Variants in TBC1D22A observed in about 807,000 individuals in gnomAD.
The protein encoded by TBC1D22A is putative GTPase activator.
In TBC1D22A, 38 loss-of-function variants were observed where a neutral mutation model predicts 60.2. The ratio of observed to expected loss-of-function variants is 0.63; its 90% CI spans 0.49 to 0.83. TBC1D22A has a LOEUF of 0.83. TBC1D22A is among the 40% of genes least tolerant of loss of function. The probability of loss-of-function intolerance (pLI) is 0.00; values close to 1 mark genes in which losing one functional copy is unlikely to be tolerated. For missense variants in TBC1D22A, 628 were observed against 701.0 expected (o/e 0.90, Z 1.18); for synonymous variants, 302 against 281.7 (o/e 1.07, Z -0.72).
chr22:46,946,380 C>A (rs900904256), intron 8 of TBC1D22A, among the ~76,000 whole-genome samples: 16 of 152,210 alleles, frequency 1.1e-4, no homozygotes, highest in Non-Finnish European at 2.4e-4. Flanking sequence ...CGAGCAGAGG[C>A]CTTGGTGCTC....
At chr22:46,896,896 T>C (rs2068709008) in intron 7 of TBC1D22A, among the ~76,000 whole-genome samples, 1 of 152,138 alleles carries the variant, frequency 6.6e-6, no homozygotes, top group Non-Finnish European at 1.5e-5. Flanking sequence ...ATGACTGGAA[T>C]TGCATGGAAT....
chr22:47,111,451 G>T, intron 11 of TBC1D22A, 57 bp from the exon 12 acceptor site: 1 of 1,502,096 alleles, frequency 6.7e-7, no homozygotes, highest in Non-Finnish European at 9.2e-7. Flanking sequence ...TAACCTCGCA[G>T]TGATGTTAAT....
chr22:46,922,124 C>T (rs556449629), intron 8 of TBC1D22A, among the ~76,000 whole-genome samples: 2 of 152,292 alleles, frequency 1.3e-5, no homozygotes, highest in African/African-American at 4.8e-5. Flanking sequence ...TATCCCAGCA[C>T]CATTTATTGA....
At chr22:47,036,987 G>T in intron 10 of TBC1D22A, 84 bp from the exon 11 acceptor site, 2 of 1,573,292 alleles carry the variant, frequency 1.3e-6, no homozygotes, top group Non-Finnish European at 8.7e-7. Flanking sequence ...GCGGGCGCAG[G>T]CCCTTGGGGG....
intron 10 of TBC1D22A, among the ~76,000 whole-genome samples, chr22:47,036,104 T>G (rs1200412445): frequency 6.6e-6 from 1 of 151,562 alleles, no homozygotes; most frequent in Non-Finnish European, 1.5e-5. Flanking sequence ...AGAAGGGAGG[T>G]GTAACTTGGA....
At chr22:47,067,564 C>T (rs1017090909) in intron 11 of TBC1D22A, among the ~76,000 whole-genome samples, 2 of 152,118 alleles carry the variant, frequency 1.3e-5, no homozygotes, top group African/African-American at 2.4e-5. Flanking sequence ...GTAAAGGCGC[C>T]GGCTCCAAAG....
rs545587632 is a variant in TBC1D22A at position 47,077,295 on chromosome 22, C to T, written c.1330-34213C>T. On this transcript the variant is annotated intron_variant, in intron 11 of 12. Transcript: ENST00000337137. ...TCTGCCTAGACATCTTTTCCTCTTT[C>T]CCTGGTGAGTGTGGACTCTTTCTGA... Among the ~76,000 whole-genome samples, 8 of 152,346 alleles carry T rather than the reference C, an allele frequency of 5.3e-5. 1 individual carries two copies. The South Asian group carries it at 1.2e-3, about 24-fold the overall frequency.
chr22:47,052,183 G>A (rs2063247519), intron 11 of TBC1D22A, among the ~76,000 whole-genome samples: 1 of 152,224 alleles, frequency 6.6e-6, no homozygotes, highest in Non-Finnish European at 1.5e-5. Context: ...AGAGTGGGAT[G>A]TTTTTCTGAA....
intron 4 of TBC1D22A, among the ~76,000 whole-genome samples, chr22:46,847,231 G>T (rs2087041369): frequency 6.6e-6 from 1 of 152,346 alleles, no homozygotes; most frequent in Non-Finnish European, 1.5e-5. Context: ...CCACATAGGA[G>T]AAATAGTGTA....
chr22:46,932,110 G>C (rs1487907025), intron 8 of TBC1D22A, among the ~76,000 whole-genome samples: 3 of 152,238 alleles, frequency 2.0e-5, no homozygotes, highest in African/African-American at 7.2e-5. Flanking sequence ...TAAGTCCTGT[G>C]CTAGTCAGAG....
intron 8 of TBC1D22A, among the ~76,000 whole-genome samples, chr22:46,917,489 C>G (rs145558971): frequency 0.011 from 1,683 of 152,266 alleles, 40 homozygotes; most frequent in African/African-American, 0.038. Flanking sequence ...AAAATCCAGT[C>G]ACCTCCTAGA....
At chr22:46,785,235 C>T (rs2084108128) in intron 1 of TBC1D22A, among the ~76,000 whole-genome samples, 1 of 152,178 alleles carries the variant, frequency 6.6e-6, no homozygotes. Context: ...AGGGCTGATT[C>T]ACTGACTTGT....
chr22:46,904,585 C>T (rs1379506220), intron 7 of TBC1D22A, among the ~76,000 whole-genome samples: 1 of 151,942 alleles, frequency 6.6e-6, no homozygotes, highest in African/African-American at 2.4e-5. Context: ...TCTCCTGCCT[C>T]AGGCTCCCGA....
At chr22:46,875,883 A>T (rs998692379) in intron 4 of TBC1D22A, among the ~76,000 whole-genome samples, 1 of 152,246 alleles carries the variant, frequency 6.6e-6, no homozygotes, top group African/African-American at 2.4e-5. Context: ...GAGACAGACA[A>T]AAAGCCAAGT....
intron 4 of TBC1D22A, among the ~76,000 whole-genome samples, chr22:46,847,938 T>TGTGTGTGTGTGTGTGC: frequency 8.0e-6 from 1 of 124,600 alleles, no homozygotes; most frequent in Admixed American, 7.8e-5. Context: ...TGTGTGTGTG[T>TGTGTGTGTGTGTGTGC]GTGTGTGTGT....
chr22:47,173,729 C>T lies in TBC1D22A; in HGVS notation c.*103C>T, dbSNP rs1012159856. ...AGCTGGTCCCGGGCTGCTAAAAGGCCTTGTGAGGTGGCCCCACCCTCCAGG... is the reference window on the plus strand; with the variant it reads ...AGCTGGTCCCGGGCTGCTAAAAGGCTTTGTGAGGTGGCCCCACCCTCCAGG... On this transcript the variant is annotated 3_prime_UTR_variant, in exon 13 of 13. Coordinates refer to ENST00000337137, the MANE Select transcript of TBC1D22A (RefSeq NM_014346.5). 3 of 1,549,072 alleles carry T rather than the reference C, an allele frequency of 1.9e-6. 1 individual carries two copies. Among genetic ancestry groups the T allele is most frequent in the South Asian group, 2.3e-5 (2 of 85,656 alleles).
intron 9 of TBC1D22A, among the ~76,000 whole-genome samples, chr22:46,987,712 G>A (rs147805419): frequency 5.3e-5 from 8 of 152,312 alleles, no homozygotes; most frequent in East Asian, 3.9e-4. Context: ...TTTTCCCAGC[G>A]GAGGGTGTTT....
intron 8 of TBC1D22A, among the ~76,000 whole-genome samples, chr22:46,927,523 C>T (rs1296453227): frequency 6.6e-6 from 1 of 152,132 alleles, no homozygotes; most frequent in East Asian, 1.9e-4. Flanking sequence ...AGTTTTTCCC[C>T]TAAGATCAGG....
At chr22:46,773,283 T>A (rs2083566695) in intron 1 of TBC1D22A, among the ~76,000 whole-genome samples, 3 of 152,326 alleles carry the variant, frequency 2.0e-5, no homozygotes, top group Admixed American at 2.0e-4. Context: ...TGCTTGGCCC[T>A]GGGAGCACAA....
Sources: gnomAD v4.1 joint callset for allele counts (sites outside exome capture counted in the v4.1 genomes callset) on GRCh38, gnomAD v4.1.1 for gene constraint, MANE v1.5 for transcripts, NCBI Gene and HGNC (gene_info 2026-07-23, HGNC 2026-07-21) for gene names.